Variants in UMAD1 observed in about 807,000 individuals in gnomAD.
UMAD1 encodes UBAP1-MVB12-associated (UMA)-domain containing protein 1.
In UMAD1, 8 loss-of-function variants were observed where a neutral mutation model predicts 6.1. That is an observed-to-expected ratio of 1.30 (90% CI 0.76 to 2.35). The LOEUF (loss-of-function observed/expected upper bound fraction) is 2.35, where lower values mean the gene tolerates loss of function less well. UMAD1 is among the 30% of genes most tolerant of loss of function. The pLI is 0.00. For synonymous variants in UMAD1, 56 were observed against 31.4 expected, an observed-to-expected ratio of 1.78 and a Z score of -2.61; for missense variants, 130 against 78.4, an observed-to-expected ratio of 1.66 and a Z score of -2.49.
chr7:7,677,925 G>A (rs913959194), intron 2 of UMAD1, among the ~76,000 whole-genome samples: 16 of 151,662 alleles, frequency 1.1e-4, no homozygotes, highest in Admixed American at 5.2e-4. Flanking sequence ...CGCCCGCCTC[G>A]GCCTCCCAAA....
chr7:7,657,337 T>C (rs1360917729), intron 1 of UMAD1, among the ~76,000 whole-genome samples: 1 of 152,256 alleles, frequency 6.6e-6, no homozygotes, highest in Non-Finnish European at 1.5e-5. Flanking sequence ...TTTGTCAATT[T>C]TGGCTTTTGT....
Position 7,780,808 on chromosome 7 carries a change from T to G in UMAD1, c.83-20862T>G, listed in dbSNP as rs370127159. On this transcript the variant is annotated intron_variant, in intron 2 of 3. Transcript: ENST00000682710. ...GTTCCATGCACTTGTAGTTTGTTAT[T>G]CTCACTGTTATATGATATTATATTG... Among the ~76,000 whole-genome samples the G allele has an allele frequency of 7.2e-5, 11 of 152,354 alleles. No individual in the cohort carries two copies. The East Asian group carries it at 2.1e-3, about 29-fold the overall frequency.
At chr7:7,759,497 G>A (rs1781842900) in intron 2 of UMAD1, among the ~76,000 whole-genome samples, 1 of 152,210 alleles carries the variant, frequency 6.6e-6, no homozygotes, top group East Asian at 1.9e-4. Context: ...ACAAGGCCAC[G>A]GGGCTTACAG....
At chr7:7,851,358 A>G (rs1336078026) in intron 3 of UMAD1, among the ~76,000 whole-genome samples, 1 of 152,172 alleles carries the variant, frequency 6.6e-6, no homozygotes, top group African/African-American at 2.4e-5. Flanking sequence ...AAATAATACT[A>G]TTCTGAACAT....
chr7:7,778,062 A>G (rs963538795), intron 2 of UMAD1, among the ~76,000 whole-genome samples: 1 of 152,172 alleles, frequency 6.6e-6, no homozygotes, highest in Non-Finnish European at 1.5e-5. Context: ...GTTACTCTCT[A>G]TTGATCATCA....
At chr7:7,705,743 C>T (rs1780582812) in intron 2 of UMAD1, among the ~76,000 whole-genome samples, 1 of 152,066 alleles carries the variant, frequency 6.6e-6, no homozygotes, top group African/African-American at 2.4e-5. Context: ...TTTGTCCAAA[C>T]TCATAGAATA....
At chr7:7,705,354 A>ACAC (rs1780571694) in intron 2 of UMAD1, among the ~76,000 whole-genome samples, 1 of 152,228 alleles carries the variant, frequency 6.6e-6, no homozygotes, top group Non-Finnish European at 1.5e-5. Context: ...CACCTACATT[A>ACAC]TTAGAGTGCT....
intron 1 of UMAD1, chr7:7,641,490 G>A (rs918061256): frequency 1.3e-5 from 2 of 152,234 alleles, no homozygotes; most frequent in Admixed American, 1.3e-4. Flanking sequence ...TTGGCCATAT[G>A]TTTGACTCAA....
Position 7,873,452 on chromosome 7 carries a change from A to C in UMAD1, c.157-3829A>C, listed in dbSNP as rs187223367. Among the ~76,000 whole-genome samples the C allele has an allele frequency of 2.8e-3, 429 of 152,268 alleles. 3 individuals are homozygous for C. The highest frequency in any genetic ancestry group is 4.6e-3 in the Non-Finnish European group (311 of 68,018). On this transcript the variant is annotated intron_variant, in intron 3 of 3. Transcript: ENST00000682710. ...CTGCACTCTTGGCTGACCCGAGGATAATTAGCATGGTGAGTCCCAATTAGA... is the reference window on the plus strand; with the variant it reads ...CTGCACTCTTGGCTGACCCGAGGATCATTAGCATGGTGAGTCCCAATTAGA...
chr7:7,805,629 G>A (rs1364647174), intron 3 of UMAD1, among the ~76,000 whole-genome samples: 1 of 152,024 alleles, frequency 6.6e-6, no homozygotes, highest in African/African-American at 2.4e-5. Context: ...CTTGCAGTGG[G>A]CTACAAGGAA....
At chr7:7,731,258 C>T (rs1444146535) in intron 2 of UMAD1, among the ~76,000 whole-genome samples, 2 of 152,082 alleles carry the variant, frequency 1.3e-5, no homozygotes, top group Admixed American at 6.6e-5. Flanking sequence ...CCTAGGCCTC[C>T]CAAAGTGCTG....
intron 2 of UMAD1, among the ~76,000 whole-genome samples, chr7:7,769,630 T>C (rs1782062808): frequency 1.3e-5 from 2 of 152,078 alleles, no homozygotes; most frequent in Admixed American, 6.5e-5. Context: ...ATGTTTCTTT[T>C]TGGAGTGAAG....
At chr7:7,682,435 A>G (rs983128145) in intron 2 of UMAD1, among the ~76,000 whole-genome samples, 1 of 152,090 alleles carries the variant, frequency 6.6e-6, no homozygotes, top group Non-Finnish European at 1.5e-5. Context: ...AAACTATCAT[A>G]TTTTTATATG....
chr7:7,796,664 A>G (rs1376911827), intron 2 of UMAD1, among the ~76,000 whole-genome samples: 2 of 152,212 alleles, frequency 1.3e-5, no homozygotes, highest in African/African-American at 2.4e-5. Context: ...CCCTGACACT[A>G]GAATCATAAG....
At chr7:7,837,432 T>C (rs1388267921) in intron 3 of UMAD1, among the ~76,000 whole-genome samples, 1 of 152,106 alleles carries the variant, frequency 6.6e-6, no homozygotes, top group Non-Finnish European at 1.5e-5. Context: ...GGTGAAACAA[T>C]AATGTAATGG....
intron 2 of UMAD1, among the ~76,000 whole-genome samples, chr7:7,761,654 CTTA>C (rs1459566949): frequency 2.6e-5 from 4 of 152,258 alleles, no homozygotes; most frequent in African/African-American, 7.2e-5. Flanking sequence ...AGAACTAGAA[CTTA>C]TTATTGGGGA....
At chr7:7,682,118 G>C (rs941791449) in intron 2 of UMAD1, among the ~76,000 whole-genome samples, 6 of 152,138 alleles carry the variant, frequency 3.9e-5, no homozygotes, top group Non-Finnish European at 8.8e-5. Flanking sequence ...CAGTACAAGG[G>C]AAATGCATCA....
At chr7:7,857,312 T>C (rs1784036949) in intron 3 of UMAD1, among the ~76,000 whole-genome samples, 1 of 152,234 alleles carries the variant, frequency 6.6e-6, no homozygotes. Context: ...TCTGATATAA[T>C]CTCTTAGCAT....
At chr7:7,865,535 A>T (rs1012007987) in intron 3 of UMAD1, among the ~76,000 whole-genome samples, 1 of 152,178 alleles carries the variant, frequency 6.6e-6, no homozygotes, top group Non-Finnish European at 1.5e-5. Flanking sequence ...GAAACCAGAG[A>T]AGTAGATATG....
Sources: allele counts gnomAD v4.1 joint callset (sites outside exome capture counted in the v4.1 genomes callset), GRCh38; gene constraint gnomAD v4.1.1; transcripts MANE v1.5; gene names NCBI Gene and HGNC (gene_info 2026-07-23, HGNC 2026-07-21).